MMP26: variants seen among roughly 807,000 people sequenced by gnomAD.
MMP26 encodes the protein matrix metalloproteinase-26.
MMP26 carries 33 observed loss-of-function variants against 31.0 expected under a neutral mutation model. The ratio of observed to expected loss-of-function variants is 1.06; its 90% CI spans 0.81 to 1.42. The LOEUF (loss-of-function observed/expected upper bound fraction) is 1.42. Among genes scored for constraint, MMP26 ranks in the 40% most tolerant of loss-of-function variants. MMP26 has a pLI of 0.00. For missense variants in MMP26, 347 were observed against 316.1 expected (o/e 1.10, Z -0.74); for synonymous variants, 122 against 114.9 (o/e 1.06, Z -0.40).
intron 2 of MMP26, among the ~76,000 whole-genome samples, chr11:4,942,586 G>A (rs1175745904): frequency 6.6e-6 from 1 of 152,104 alleles, no homozygotes; most frequent in African/African-American, 2.4e-5. Flanking sequence ...TTAAAATAAT[G>A]ATTGGCTATT....
At chr11:4,770,237 G>A (rs766748355) in intron 2 of MMP26, among the ~76,000 whole-genome samples, 1 of 152,106 alleles carries the variant, frequency 6.6e-6, no homozygotes, top group Non-Finnish European at 1.5e-5. Context: ...AAGATTATTT[G>A]AATAAAGACT....
chr11:4,794,636 G>A (rs970131233), intron 2 of MMP26, among the ~76,000 whole-genome samples: 6 of 152,036 alleles, frequency 3.9e-5, no homozygotes, highest in South Asian at 2.1e-4. Flanking sequence ...TGACCCAGGC[G>A]GTTAGGCAAA....
At chr11:4,798,903 C>T (rs150291558) in intron 2 of MMP26, among the ~76,000 whole-genome samples, 35 of 152,302 alleles carry the variant, frequency 2.3e-4, no homozygotes, top group Non-Finnish European at 3.8e-4. Flanking sequence ...TTGGAAAGTA[C>T]TCTAAAACGG....
At chr11:4,881,547 C>A (rs903439138) in intron 2 of MMP26, among the ~76,000 whole-genome samples, 3 of 152,096 alleles carry the variant, frequency 2.0e-5, no homozygotes, top group Admixed American at 1.3e-4. Context: ...TCCTGTACAT[C>A]ATATACAAGT....
intron 1 of MMP26, among the ~76,000 whole-genome samples, chr11:4,714,346 G>T (rs1294849815): frequency 1.3e-5 from 2 of 152,130 alleles, no homozygotes; most frequent in Admixed American, 6.6e-5. Context: ...CTTAGAGCAG[G>T]TTGTTAATGT....
At chr11:4,846,983 C>T (rs1849879786) in intron 2 of MMP26, among the ~76,000 whole-genome samples, 1 of 152,188 alleles carries the variant, frequency 6.6e-6, no homozygotes. Flanking sequence ...CTTCAGTTCT[C>T]TGGGAACCAG....
intron 2 of MMP26, among the ~76,000 whole-genome samples, chr11:4,792,708 C>G (rs564543021): frequency 3.0e-4 from 45 of 151,750 alleles, no homozygotes; most frequent in Middle Eastern, 3.4e-3. Flanking sequence ...CTGGGTAGAA[C>G]ATGAACTTCT....
intron 4 of MMP26, 42 bp downstream of exon 4, chr11:4,989,910 G>A (rs1846971457): frequency 2.0e-6 from 3 of 1,506,772 alleles, no homozygotes; most frequent in Non-Finnish European, 2.7e-6. Flanking sequence ...GTGGGGTGAT[G>A]ACCTCAAAGG....
At chr11:4,882,699 T>G (rs778687125) in intron 2 of MMP26, 2 of 1,613,862 alleles carry the variant, frequency 1.2e-6, no homozygotes, top group African/African-American at 2.7e-5. Context: ...CACCGCCTCT[T>G]CCACTCCACC....
Position 4,785,880 on chromosome 11 carries a change from A to G in MMP26, c.-145+18539A>G, listed in dbSNP as rs184425802. Among the ~76,000 whole-genome samples the G allele has an allele frequency of 3.3e-4, 50 of 152,314 alleles. No homozygotes were observed. In the East Asian group the frequency reaches 8.9e-3, roughly 27 times the overall value. On this transcript the variant is annotated intron_variant, in intron 2 of 7. Transcript: ENST00000380390. ...CTGTCTAATAGATCTGTTCAGGGAC[A>G]TGTCTCCAGATCAGGGGCTCCATCT...
At chr11:4,839,587 G>A (rs1849766914) in intron 2 of MMP26, among the ~76,000 whole-genome samples, 3 of 151,818 alleles carry the variant, frequency 2.0e-5, no homozygotes, top group Admixed American at 1.3e-4. Context: ...CACATCCTGG[G>A]TCAGAAGGGA....
chr11:4,831,341 T>C lies in MMP26; in HGVS notation c.-145+64000T>C, dbSNP rs548379028. 9.2e-5 allele frequency among the ~76,000 whole-genome samples: 14 copies of C among 152,318 alleles called. 1 individual carries two copies. The South Asian group carries it at 2.9e-3, about 32-fold the overall frequency. The stretch of plus-strand genomic sequence containing the variant: ...ACTGAGGTGCTGTGTTTACTCACAC[T>C]GCCCTGCCTCAGGCTACTGTCAAGA... On this transcript the variant is annotated intron_variant, in intron 2 of 7. Coordinates refer to ENST00000380390, the MANE Select transcript of MMP26 (RefSeq NM_021801.5).
At chr11:4,953,733 C>G (rs1268138350) in intron 2 of MMP26, among the ~76,000 whole-genome samples, 1 of 124,760 alleles carries the variant, frequency 8.0e-6, no homozygotes, top group African/African-American at 2.7e-5. Flanking sequence ...TAGAAAGGGT[C>G]CAGCTCATGT....
intron 2 of MMP26, among the ~76,000 whole-genome samples, chr11:4,792,489 G>C (rs1311200093): frequency 1.3e-5 from 2 of 152,144 alleles, no homozygotes; most frequent in Non-Finnish European, 2.9e-5. Flanking sequence ...TGAGAGTAAA[G>C]AGCCTTGTTT....
intron 1 of MMP26, chr11:4,718,707 C>T (rs989308475): frequency 6.4e-6 from 1 of 155,912 alleles, no homozygotes; most frequent in African/African-American, 2.4e-5. Context: ...TCTCCATTCC[C>T]TTCTGCTTCC....
At chr11:4,822,055 G>T (rs1309164019) in intron 2 of MMP26, 1 of 1,613,588 alleles carries the variant, frequency 6.2e-7, no homozygotes, top group Non-Finnish European at 8.5e-7. Flanking sequence ...TACAGGGTTT[G>T]ACTGCCCTTG....
intron 1 of MMP26, among the ~76,000 whole-genome samples, chr11:4,739,787 A>G (rs983890842): frequency 3.9e-5 from 6 of 152,114 alleles, no homozygotes; most frequent in African/African-American, 1.4e-4. Context: ...AGAAGCTGGC[A>G]TATTTTTCAT....
chr11:4,843,062 C>T (rs1849818002), intron 2 of MMP26, among the ~76,000 whole-genome samples: 1 of 152,214 alleles, frequency 6.6e-6, no homozygotes, highest in African/African-American at 2.4e-5. Context: ...CAAGGCGTGG[C>T]CTCTCAAGGC....
intron 2 of MMP26, among the ~76,000 whole-genome samples, chr11:4,858,340 C>T (rs1361817604): frequency 6.6e-6 from 1 of 152,076 alleles, no homozygotes; most frequent in Admixed American, 6.6e-5. Flanking sequence ...TCGTCTCAGC[C>T]CAAAATCTCC....
Sources: gnomAD v4.1 joint callset for allele counts (sites outside exome capture counted in the v4.1 genomes callset) on GRCh38, gnomAD v4.1.1 for gene constraint, MANE v1.5 for transcripts, NCBI Gene and HGNC (gene_info 2026-07-23, HGNC 2026-07-21) for gene names.